The following BMPR1B variants were observed in gnomAD, a reference collection of about 807,000 sequenced individuals.
The protein encoded by BMPR1B is bone morphogenetic protein receptor type 1B.
In BMPR1B, 12 loss-of-function variants were observed where a neutral mutation model predicts 59.1. The observed-to-expected ratio is 0.20, with a 90% CI of 0.13 to 0.33. The LOEUF is 0.33. Among genes scored for constraint, BMPR1B ranks in the 10% least tolerant of loss-of-function variants. The probability of loss-of-function intolerance (pLI) is 1.00; values close to 1 mark genes in which losing one functional copy is unlikely to be tolerated. For missense variants in BMPR1B, 550 were observed against 610.9 expected (o/e 0.90, Z 1.05); for synonymous variants, 237 against 207.3 (o/e 1.14, Z -1.23).
chr4:95,000,533 AAGAG>A (rs1349776704), intron 3 of BMPR1B, among the ~76,000 whole-genome samples: 11 of 151,900 alleles, frequency 7.2e-5, no homozygotes, highest in African/African-American at 2.7e-4. Flanking sequence ...GAGAGAGAGA[AAGAG>A]AGAAAGAAAG....
At position 94,988,294 on chromosome 4, in the gene BMPR1B, A is replaced by G. The variant is rs1354023251; in HGVS notation, c.-112-7746A>G. Among the ~76,000 whole-genome samples the G allele has an allele frequency of 4.6e-5, 7 of 152,106 alleles. No individual in the cohort carries two copies. The South Asian group carries it at 1.0e-3, about 23-fold the overall frequency. On this transcript the variant is annotated intron_variant, in intron 2 of 12. Coordinates refer to ENST00000515059, the MANE Select transcript of BMPR1B (RefSeq NM_001203.3). ...ACCTATTATTATTAAACATGATGAGAAATCAGTGAAGTTTTAATTTTTAAT... is the reference window on the plus strand; with the variant it reads ...ACCTATTATTATTAAACATGATGAGGAATCAGTGAAGTTTTAATTTTTAAT...
intron 3 of BMPR1B, among the ~76,000 whole-genome samples, chr4:95,097,639 G>A (rs1179659936): frequency 6.6e-6 from 1 of 152,096 alleles, no homozygotes; most frequent in Non-Finnish European, 1.5e-5. Flanking sequence ...CTGGGTTCAA[G>A]TGATTCTCCT....
chr4:94,853,252 A>G (rs748803361), intron 1 of BMPR1B, among the ~76,000 whole-genome samples: 21 of 152,194 alleles, frequency 1.4e-4, no homozygotes, highest in Non-Finnish European at 2.8e-4. Context: ...TCTTTGGGAA[A>G]GACTCATGTC....
intron 2 of BMPR1B, among the ~76,000 whole-genome samples, chr4:94,951,584 T>TGCGTATATTGAACCA (rs1729939823): frequency 6.6e-6 from 1 of 150,882 alleles, no homozygotes; most frequent in Non-Finnish European, 1.5e-5. Flanking sequence ...TTTATTGATT[T>TGCGTATATTGAACCA]GCCTTGCATC....
chr4:94,925,298 A>G (rs779053542), intron 2 of BMPR1B, among the ~76,000 whole-genome samples: 1 of 152,078 alleles, frequency 6.6e-6, no homozygotes, highest in African/African-American at 2.4e-5. Flanking sequence ...ATTTTTAACT[A>G]TGCAAATTTT....
chr4:94,873,385 T>TA (rs999709634), intron 1 of BMPR1B, among the ~76,000 whole-genome samples: 2 of 151,808 alleles, frequency 1.3e-5, no homozygotes, highest in African/African-American at 2.4e-5. Flanking sequence ...TGACAAATCT[T>TA]ACCCATACTT....
At chr4:95,050,027 C>A (rs1157133380) in intron 3 of BMPR1B, among the ~76,000 whole-genome samples, 1 of 152,072 alleles carries the variant, frequency 6.6e-6, no homozygotes, top group Non-Finnish European at 1.5e-5. Flanking sequence ...TCCCACATTT[C>A]AGCTATTCAC....
intron 2 of BMPR1B, among the ~76,000 whole-genome samples, chr4:94,959,181 A>C (rs1368279019): frequency 6.6e-6 from 1 of 152,088 alleles, no homozygotes; most frequent in Non-Finnish European, 1.5e-5. Context: ...GAATTTTGGG[A>C]TTTTTAGTCT....
intron 1 of BMPR1B, among the ~76,000 whole-genome samples, chr4:94,863,774 A>C (rs1359268652): frequency 1.3e-5 from 2 of 152,248 alleles, no homozygotes; most frequent in African/African-American, 4.8e-5. Flanking sequence ...TTAATTATAC[A>C]AATGAAAGAG....
chr4:95,149,745 ATGAGCTTGCTGAAGATTC>A (rs1734902590), intron 11 of BMPR1B, among the ~76,000 whole-genome samples: 2 of 152,198 alleles, frequency 1.3e-5, no homozygotes, highest in African/African-American at 4.8e-5. Context: ...TCATGAAAAC[ATGAGCTTGCTGAAGATTC>A]TGAAAGTGCA....
chr4:94,970,626 T>C (rs1730755776), intron 2 of BMPR1B, among the ~76,000 whole-genome samples: 1 of 152,040 alleles, frequency 6.6e-6, no homozygotes. Context: ...TCATTTCTGT[T>C]TTAAAGTTTT....
At chr4:95,066,495 A>C (rs78813278) in intron 3 of BMPR1B, among the ~76,000 whole-genome samples, 5,313 of 152,316 alleles carry the variant, frequency 0.035, 136 homozygotes, top group Middle Eastern at 0.071. Flanking sequence ...AAATGCAGTT[A>C]TTCTGTAGCA....
intron 2 of BMPR1B, among the ~76,000 whole-genome samples, chr4:94,967,950 G>A (rs950335655): frequency 6.6e-6 from 1 of 152,152 alleles, no homozygotes; most frequent in African/African-American, 2.4e-5. Flanking sequence ...GGCACATTCT[G>A]TAAGAATGAC....
intron 2 of BMPR1B, among the ~76,000 whole-genome samples, chr4:94,972,939 C>T (rs1032983757): frequency 5.3e-5 from 8 of 152,126 alleles, no homozygotes; most frequent in African/African-American, 1.4e-4. Context: ...TGTGAGCAAA[C>T]GAGTGCTGGA....
At chr4:94,913,884 A>C (rs558821125) in intron 2 of BMPR1B, among the ~76,000 whole-genome samples, 1 of 152,278 alleles carries the variant, frequency 6.6e-6, no homozygotes, top group South Asian at 2.1e-4. Context: ...GCTGCTAAGG[A>C]ACTGAATTAT....
intron 2 of BMPR1B, among the ~76,000 whole-genome samples, chr4:94,926,415 AATT>A (rs1377880494): frequency 5.9e-5 from 9 of 151,882 alleles, no homozygotes; most frequent in Non-Finnish European, 1.3e-4. Flanking sequence ...CTACATTCTG[AATT>A]ATTATTTAAA....
At chr4:95,090,239 A>T (rs1048594558) in intron 3 of BMPR1B, among the ~76,000 whole-genome samples, 1 of 151,940 alleles carries the variant, frequency 6.6e-6, no homozygotes, top group Non-Finnish European at 1.5e-5. Context: ...AGCAATAAAA[A>T]ATAACTTAAA....
chr4:95,078,107 T>A (rs1011472325), intron 3 of BMPR1B, among the ~76,000 whole-genome samples: 3 of 152,192 alleles, frequency 2.0e-5, no homozygotes, highest in African/African-American at 7.2e-5. Context: ...GAACCATGAC[T>A]ATGGAATTTC....
chr4:95,080,979 T>C (rs1186074035), intron 3 of BMPR1B, among the ~76,000 whole-genome samples: 1 of 152,196 alleles, frequency 6.6e-6, no homozygotes. Flanking sequence ...TCTTGAAATG[T>C]ACTTCCCATA....
Sources: gnomAD v4.1 joint callset for allele counts (sites outside exome capture counted in the v4.1 genomes callset) on GRCh38, gnomAD v4.1.1 for gene constraint, MANE v1.5 for transcripts, NCBI Gene and HGNC (gene_info 2026-07-23, HGNC 2026-07-21) for gene names.